Variants in RGS7 observed in about 807,000 individuals in gnomAD.
RGS7 encodes regulator of G protein signaling 7, also known as regulator of G-protein signaling 7.
RGS7 carries 27 observed loss-of-function variants against 81.1 expected under a neutral mutation model. That is an observed-to-expected ratio of 0.33 (90% CI 0.25 to 0.46). RGS7 has a LOEUF of 0.46. RGS7 is among the 20% of genes least tolerant of loss of function. RGS7 has a pLI of 1.00. For missense variants in RGS7, 396 were observed against 607.4 expected, an observed-to-expected ratio of 0.65 and a Z score of 3.66; for synonymous variants, 208 against 207.7, an observed-to-expected ratio of 1.00 and a Z score of -0.01.
intron 4 of RGS7, among the ~76,000 whole-genome samples, chr1:240,951,682 T>C (rs1367648062): frequency 6.6e-6 from 1 of 151,962 alleles, no homozygotes; most frequent in Middle Eastern, 3.2e-3. Flanking sequence ...AAGTGTAGCA[T>C]AACATAATTG....
chr1:241,335,132 T>C (rs1176281674), intron 2 of RGS7, among the ~76,000 whole-genome samples: 1 of 152,202 alleles, frequency 6.6e-6, no homozygotes, highest in Non-Finnish European at 1.5e-5. Flanking sequence ...GACAGATGAA[T>C]TGTATTTCCT....
At chr1:241,097,804 A>G (rs752865263) in intron 3 of RGS7, among the ~76,000 whole-genome samples, 3 of 152,170 alleles carry the variant, frequency 2.0e-5, no homozygotes, top group Non-Finnish European at 4.4e-5. Flanking sequence ...GTCATTGCCA[A>G]TCAAACCCGC....
At chr1:240,789,658 T>C (rs1481465328) in intron 18 of RGS7, among the ~76,000 whole-genome samples, 1 of 152,194 alleles carries the variant, frequency 6.6e-6, no homozygotes, top group Non-Finnish European at 1.5e-5. Context: ...CTTATTAGGA[T>C]GAGGAAATTA....
At chr1:241,000,539 G>C (rs1687974115) in intron 3 of RGS7, among the ~76,000 whole-genome samples, 1 of 152,128 alleles carries the variant, frequency 6.6e-6, no homozygotes, top group Non-Finnish European at 1.5e-5. Context: ...TTGTAAGATG[G>C]TAAGACTTTC....
rs182450167 is a variant in RGS7, at chr1:241,078,699, T to G, written c.175+19967A>C. On this transcript the variant is annotated intron_variant, in intron 3 of 18. Coordinates refer to ENST00000440928, the MANE Select transcript of RGS7 (RefSeq NM_001364886.1). ...AAGTTATTTAACTTCTGTTTACTTA[T>G]AAGACCATAAATATATAAATTAATA... 4.1e-3 allele frequency among the ~76,000 whole-genome samples: 629 copies of G among 152,254 alleles called. 7 individuals are homozygous for G. The highest frequency in any genetic ancestry group is 0.019 in the Admixed American group (287 of 15,272).
At chr1:241,124,723 C>A (rs1324558133) in intron 2 of RGS7, among the ~76,000 whole-genome samples, 4 of 152,154 alleles carry the variant, frequency 2.6e-5, no homozygotes, top group Non-Finnish European at 5.9e-5. Flanking sequence ...CATTTGGTCA[C>A]CAGCAGAAAC....
At chr1:240,857,731 A>G (rs2147964706) in intron 9 of RGS7, among the ~76,000 whole-genome samples, 1 of 152,248 alleles carries the variant, frequency 6.6e-6, no homozygotes, top group African/African-American at 2.4e-5. Context: ...TATCATTGAA[A>G]AACATTCTGA....
chr1:240,993,737 A>C (rs770327132), intron 3 of RGS7, among the ~76,000 whole-genome samples: 3 of 151,840 alleles, frequency 2.0e-5, no homozygotes, highest in Non-Finnish European at 4.4e-5. Context: ...TCAACTTTTT[A>C]TAGATTATAG....
intron 2 of RGS7, among the ~76,000 whole-genome samples, chr1:241,333,323 G>A (rs1275136292): frequency 1.3e-5 from 2 of 152,126 alleles, no homozygotes; most frequent in Non-Finnish European, 2.9e-5. Flanking sequence ...ATCTGCCATG[G>A]GGAATCTAGC....
chr1:241,243,909 A>C (rs2076390132), intron 2 of RGS7, among the ~76,000 whole-genome samples: 1 of 152,150 alleles, frequency 6.6e-6, no homozygotes, highest in African/African-American at 2.4e-5. Flanking sequence ...TTTTTTCAGA[A>C]GGACCATGAG....
rs1670030004 is a variant in RGS7, at chr1:240,901,626, T to C, written c.385+29091A>G. ...ACTTCTTCTAAGATACTAACTTGTT[T>C]CTCTTTCCACTTCCTTATTGCTTCC... On this transcript the variant is annotated intron_variant, in intron 6 of 18. Transcript: ENST00000440928. Among the ~76,000 whole-genome samples, 4 of 152,190 alleles carry C rather than the reference T, an allele frequency of 2.6e-5. No homozygotes were observed. In the South Asian group the frequency reaches 6.2e-4, roughly 24 times the overall value.
intron 2 of RGS7, among the ~76,000 whole-genome samples, chr1:241,102,631 T>G (rs1311193567): frequency 6.6e-6 from 1 of 152,212 alleles, no homozygotes; most frequent in Non-Finnish European, 1.5e-5. Flanking sequence ...AAAAGTAAAC[T>G]TACAGGGCAC....
At chr1:241,185,367 A>T (rs778649461) in intron 2 of RGS7, among the ~76,000 whole-genome samples, 8 of 152,232 alleles carry the variant, frequency 5.3e-5, no homozygotes, top group Non-Finnish European at 1.2e-4. Flanking sequence ...AACTGAAAAG[A>T]GAAATAGAAA....
At chr1:241,356,845 G>C (rs1041642971) in intron 1 of RGS7, 54 bp downstream of exon 1, 1 of 150,994 alleles carries the variant, frequency 6.6e-6, no homozygotes, top group African/African-American at 2.4e-5. Flanking sequence ...CGGGCCGGGG[G>C]CCGGGAGGGC....
chr1:240,846,919 AG>A (rs1471479061), intron 9 of RGS7, among the ~76,000 whole-genome samples: 1 of 152,164 alleles, frequency 6.6e-6, no homozygotes, highest in Non-Finnish European at 1.5e-5. Context: ...AGATGACCAT[AG>A]CCTTGGCCAA....
chr1:241,033,564 T>A (rs2060191893), intron 3 of RGS7, among the ~76,000 whole-genome samples: 1 of 152,084 alleles, frequency 6.6e-6, no homozygotes, highest in Admixed American at 6.5e-5. Context: ...ATAGGGTTAA[T>A]TTTTAAATAT....
chr1:241,111,042 G>A (rs1208236665), intron 2 of RGS7, among the ~76,000 whole-genome samples: 3 of 152,028 alleles, frequency 2.0e-5, no homozygotes, highest in Non-Finnish European at 2.9e-5. Context: ...ATACCTCCAC[G>A]GAGTATAATA....
chr1:241,019,276 T>C (rs1439371749), intron 3 of RGS7, among the ~76,000 whole-genome samples: 2 of 152,196 alleles, frequency 1.3e-5, no homozygotes, highest in Non-Finnish European at 2.9e-5. Context: ...AACAATTCTT[T>C]CTGTACTGTA....
intron 3 of RGS7, among the ~76,000 whole-genome samples, chr1:241,079,364 T>C (rs922618519): frequency 1.3e-5 from 2 of 152,220 alleles, no homozygotes; most frequent in African/African-American, 4.8e-5. Flanking sequence ...TGAGAGATTA[T>C]TCTTGTACTC....
Sources: gnomAD v4.1 joint callset for allele counts (sites outside exome capture counted in the v4.1 genomes callset) on GRCh38, gnomAD v4.1.1 for gene constraint, MANE v1.5 for transcripts, NCBI Gene and HGNC (gene_info 2026-07-23, HGNC 2026-07-21) for gene names.